The following ASTN2 variants were observed in gnomAD, a reference collection of about 807,000 sequenced individuals.
The protein encoded by ASTN2 is astrotactin-2.
A neutral mutation model predicts 139.8 loss-of-function variants in ASTN2; 54 were observed. That is an observed-to-expected ratio of 0.39 (90% CI 0.31 to 0.48). ASTN2 has a LOEUF of 0.48. ASTN2 is among the 20% of genes least tolerant of loss of function. ASTN2 has a pLI of 0.95. For missense variants in ASTN2, 1,565 were observed against 1,725.1 expected (o/e 0.91, Z 1.64); for synonymous variants, 756 against 719.5 (o/e 1.05, Z -0.81).
At chr9:116,951,755 C>T (rs1477173254) in intron 10 of ASTN2, among the ~76,000 whole-genome samples, 1 of 152,190 alleles carries the variant, frequency 6.6e-6, no homozygotes, top group Non-Finnish European at 1.5e-5. Context: ...TTTCTCTCTT[C>T]CACTCAAGGT....
intron 7 of ASTN2, among the ~76,000 whole-genome samples, chr9:116,996,274 A>G (rs914075555): frequency 6.6e-6 from 1 of 152,016 alleles, no homozygotes; most frequent in Admixed American, 6.6e-5. Flanking sequence ...TATTGGCAGT[A>G]TTTTTTCTTA....
intron 19 of ASTN2, among the ~76,000 whole-genome samples, chr9:116,615,207 T>A (rs10983272): frequency 0.089 from 13,539 of 152,120 alleles, 621 homozygotes; most frequent in East Asian, 0.14. Context: ...ATGGCAATCA[T>A]TAAAAAGTCA....
intron 2 of ASTN2, among the ~76,000 whole-genome samples, chr9:117,217,456 T>A (rs911599900): frequency 6.6e-6 from 1 of 152,212 alleles, no homozygotes; most frequent in Non-Finnish European, 1.5e-5. Context: ...AACCAACCCA[T>A]CCACCTGCAA....
chr9:116,712,908 G>A (rs984202410), intron 16 of ASTN2, among the ~76,000 whole-genome samples: 1 of 152,124 alleles, frequency 6.6e-6, no homozygotes, highest in Non-Finnish European at 1.5e-5. Flanking sequence ...TAAATGCCCA[G>A]CATACCTCCT....
At chr9:116,637,334 T>C (rs1857123066) in intron 17 of ASTN2, among the ~76,000 whole-genome samples, 1 of 152,234 alleles carries the variant, frequency 6.6e-6, no homozygotes, top group Non-Finnish European at 1.5e-5. Flanking sequence ...CACTGAGCTT[T>C]TTCTAGTGCA....
intron 20 of ASTN2, among the ~76,000 whole-genome samples, chr9:116,478,971 G>A (rs185953406): frequency 6.6e-4 from 87 of 131,128 alleles, no homozygotes; most frequent in African/African-American, 2.4e-3. Context: ...CAGTCTGGGC[G>A]ACAGAAGGAG....
intron 11 of ASTN2, among the ~76,000 whole-genome samples, chr9:116,834,944 G>T (rs1831938960): frequency 6.6e-6 from 1 of 152,192 alleles, no homozygotes; most frequent in African/African-American, 2.4e-5. Context: ...AGCTACTTGG[G>T]ATGTTGAGGT....
intron 19 of ASTN2, among the ~76,000 whole-genome samples, chr9:116,604,811 T>C (rs1007189985): frequency 3.3e-5 from 5 of 152,138 alleles, no homozygotes; most frequent in Admixed American, 6.5e-5. Flanking sequence ...TGAGATGGGA[T>C]GGTGTGTGTG....
At chr9:116,832,603 A>G (rs1206032929) in intron 11 of ASTN2, among the ~76,000 whole-genome samples, 2 of 151,906 alleles carry the variant, frequency 1.3e-5, no homozygotes, top group South Asian at 2.1e-4. Flanking sequence ...TTTTTCTTGT[A>G]TCCATTGATA....
chr9:117,319,167 G>A (rs1828240614), intron 1 of ASTN2, among the ~76,000 whole-genome samples: 1 of 152,106 alleles, frequency 6.6e-6, no homozygotes. Flanking sequence ...TATGTAGTGA[G>A]GCCCCATAAT....
chr9:116,820,897 A>C, intron 11 of ASTN2, 114 bp from the exon 12 acceptor site: 1 of 1,122,344 alleles, frequency 8.9e-7, no homozygotes, highest in South Asian at 1.8e-5. Flanking sequence ...AAAGGTATTC[A>C]GTCTCCTTTT....
chr9:117,111,372 GA>G (rs1829244325), intron 4 of ASTN2, among the ~76,000 whole-genome samples: 2 of 151,370 alleles, frequency 1.3e-5, no homozygotes, highest in East Asian at 1.9e-4. Flanking sequence ...CTATTGGCAG[GA>G]AAAAAACTAT....
chr9:116,958,421 T>C (rs1835782615), intron 10 of ASTN2, among the ~76,000 whole-genome samples: 1 of 152,088 alleles, frequency 6.6e-6, no homozygotes, highest in South Asian at 2.1e-4. Flanking sequence ...AAACCCCGTC[T>C]CTACTAAAAA....
At chr9:116,756,237 A>T (rs1213788691) in intron 13 of ASTN2, among the ~76,000 whole-genome samples, 1 of 152,132 alleles carries the variant, frequency 6.6e-6, no homozygotes, top group Non-Finnish European at 1.5e-5. Context: ...TTTAAGCTAC[A>T]TTTCTAGGAA....
At chr9:117,297,297 G>C (rs1834760018) in intron 1 of ASTN2, among the ~76,000 whole-genome samples, 1 of 152,230 alleles carries the variant, frequency 6.6e-6, no homozygotes, top group Non-Finnish European at 1.5e-5. Context: ...CGGGCAGAAA[G>C]AGTTGGGAAA....
chr9:116,423,854 A>G lies in ASTN2; in HGVS notation c.*1997T>C, dbSNP rs1158664833. On this transcript the variant is annotated 3_prime_UTR_variant, in exon 23 of 23. Transcript: ENST00000313400. ...TAGGTTATCAGGAAGGGGATTGTCA[A>G]TCTCATCAACATTTGCCAAATTGAG... Among the ~76,000 whole-genome samples the G allele has an allele frequency of 6.6e-6, 1 of 152,184 alleles. No homozygotes were observed. Among genetic ancestry groups the G allele is most frequent in the Non-Finnish European group, 1.5e-5 (1 of 68,038 alleles).
intron 10 of ASTN2, among the ~76,000 whole-genome samples, chr9:116,916,669 G>C (rs745656614): frequency 6.6e-6 from 1 of 151,858 alleles, no homozygotes. Flanking sequence ...AGTGAGACCC[G>C]TCTCTACAAA....
intron 1 of ASTN2, among the ~76,000 whole-genome samples, chr9:117,298,531 A>G (rs1834789594): frequency 6.6e-6 from 1 of 152,072 alleles, no homozygotes; most frequent in Non-Finnish European, 1.5e-5. Context: ...ATCAAATGAG[A>G]TAATACAAAC....
chr9:116,446,398 G>A (rs902248402), intron 20 of ASTN2, among the ~76,000 whole-genome samples: 15 of 152,012 alleles, frequency 9.9e-5, no homozygotes, highest in African/African-American at 3.6e-4. Context: ...AGCAGGCTGA[G>A]GTTCACTGAT....
Sources: gnomAD v4.1 joint callset for allele counts (sites outside exome capture counted in the v4.1 genomes callset) on GRCh38, gnomAD v4.1.1 for gene constraint, MANE v1.5 for transcripts, NCBI Gene and HGNC (gene_info 2026-07-23, HGNC 2026-07-21) for gene names.